Variants in PALLD observed in about 807,000 individuals in gnomAD.
The protein encoded by PALLD is palladin.
In PALLD, 61 loss-of-function variants were observed where a neutral mutation model predicts 123.5. The observed-to-expected ratio is 0.49, with a 90% CI of 0.40 to 0.61. PALLD has a LOEUF of 0.61. PALLD is among the 20% of genes least tolerant of loss of function. The pLI, the probability that PALLD is intolerant of heterozygous loss-of-function variation, is 0.00. For synonymous variants in PALLD, 465 were observed against 496.4 expected (o/e 0.94, Z 0.84); for missense variants, 1,273 against 1,377.0 (o/e 0.92, Z 1.20).
At chr4:168,665,954 A>T (rs753272499) in intron 2 of PALLD, among the ~76,000 whole-genome samples, 42 of 148,028 alleles carry the variant, frequency 2.8e-4, no homozygotes, top group Non-Finnish European at 1.5e-4. Context: ...ATGAATGAGC[A>T]TGGTTATGTT....
At chr4:168,767,179 A>C (rs1323727744) in intron 10 of PALLD, among the ~76,000 whole-genome samples, 1 of 152,102 alleles carries the variant, frequency 6.6e-6, no homozygotes, top group African/African-American at 2.4e-5. Flanking sequence ...TCTGCCTTTC[A>C]TCTAGACCCT....
chr4:168,642,368 A>C (rs1230665338), intron 2 of PALLD, among the ~76,000 whole-genome samples: 1 of 152,076 alleles, frequency 6.6e-6, no homozygotes, highest in African/African-American at 2.4e-5. Context: ...TTCCAAGTGC[A>C]GGAATCTTCT....
rs201392402 is a variant in PALLD at position 168,726,752 on chromosome 4, T to TAA, written c.1964+14840_1964+14841dup. Among the ~76,000 whole-genome samples, 795 of 146,832 alleles carry TAA rather than the reference T, an allele frequency of 5.4e-3. 3 individuals are homozygous for TAA. The highest frequency in any genetic ancestry group is 0.018 in the African/African-American group (737 of 40,116). On this transcript the variant is annotated intron_variant, in intron 10 of 21. Transcript: ENST00000505667. ...TCAGGCAGATGAGATGCTGTCCCTT[T>TAA]AAAAAAAAAAAATCAACTTCTATTT...
At chr4:168,577,342 G>A (rs1250634400) in intron 2 of PALLD, among the ~76,000 whole-genome samples, 1 of 152,046 alleles carries the variant, frequency 6.6e-6, no homozygotes, top group African/African-American at 2.4e-5. Context: ...GTTAGGTTAT[G>A]GTTTGCCCAC....
At chr4:168,712,337 T>C (rs994526991) in intron 10 of PALLD, 2 of 257,700 alleles carry the variant, frequency 7.8e-6, no homozygotes, top group Non-Finnish European at 1.5e-5. Flanking sequence ...AGATCTGATA[T>C]AGACAAGCGG....
At chr4:168,525,971 T>C (rs1764004833) in intron 2 of PALLD, among the ~76,000 whole-genome samples, 1 of 152,236 alleles carries the variant, frequency 6.6e-6, no homozygotes, top group Non-Finnish European at 1.5e-5. Context: ...AATTTTAAAA[T>C]TTTATACTGA....
At chr4:168,657,665 A>G (rs1427883890) in intron 2 of PALLD, among the ~76,000 whole-genome samples, 1 of 152,262 alleles carries the variant, frequency 6.6e-6, no homozygotes, top group Non-Finnish European at 1.5e-5. Context: ...GGAAGCTTGC[A>G]TGGGTGAATG....
intron 10 of PALLD, among the ~76,000 whole-genome samples, chr4:168,745,436 C>A (rs1388042960): frequency 1.1e-4 from 13 of 118,620 alleles, no homozygotes; most frequent in South Asian, 2.7e-4. Context: ...GAGGGGGGGG[C>A]AAATAATGAT....
chr4:168,550,095 A>G (rs1004302909), intron 2 of PALLD, among the ~76,000 whole-genome samples: 1 of 152,190 alleles, frequency 6.6e-6, no homozygotes, highest in African/African-American at 2.4e-5. Context: ...TGCCAGGTTC[A>G]TCTCTCTCAA....
intron 10 of PALLD, among the ~76,000 whole-genome samples, chr4:168,858,577 A>G (rs1748956154): frequency 6.6e-6 from 1 of 151,842 alleles, no homozygotes; most frequent in Non-Finnish European, 1.5e-5. Context: ...GAGCTTAGGA[A>G]TTGGAGACCA....
At chr4:168,573,001 G>T (rs1769154150) in intron 2 of PALLD, among the ~76,000 whole-genome samples, 1 of 150,702 alleles carries the variant, frequency 6.6e-6, no homozygotes, top group Admixed American at 6.6e-5. Context: ...TAATCTACAA[G>T]TAAGGCCCAG....
intron 10 of PALLD, among the ~76,000 whole-genome samples, chr4:168,849,603 C>G (rs1319946005): frequency 6.6e-6 from 1 of 152,156 alleles, no homozygotes; most frequent in African/African-American, 2.4e-5. Flanking sequence ...CCAAACCATG[C>G]TTAATATTCA....
chr4:168,585,516 C>A (rs1024440256), intron 2 of PALLD, among the ~76,000 whole-genome samples: 5 of 152,300 alleles, frequency 3.3e-5, no homozygotes, highest in African/African-American at 9.6e-5. Context: ...GGGATTGCAG[C>A]CATCCCACAG....
At chr4:168,733,679 A>C (rs1359064150) in intron 10 of PALLD, among the ~76,000 whole-genome samples, 2 of 151,952 alleles carry the variant, frequency 1.3e-5, no homozygotes, top group African/African-American at 4.8e-5. Flanking sequence ...CGATCCTCCC[A>C]CCTTAGCCTC....
chr4:168,547,450 G>A (rs918265663), intron 2 of PALLD, among the ~76,000 whole-genome samples: 1 of 151,564 alleles, frequency 6.6e-6, no homozygotes, highest in Non-Finnish European at 1.5e-5. Flanking sequence ...GCCAGGCATG[G>A]TGGCTCATGT....
intron 10 of PALLD, among the ~76,000 whole-genome samples, chr4:168,879,752 A>G (rs989752209): frequency 6.6e-6 from 1 of 152,198 alleles, no homozygotes; most frequent in Non-Finnish European, 1.5e-5. Flanking sequence ...ATGAATATAT[A>G]AAGAAACAAG....
chr4:168,739,691 A>G (rs1475785222), intron 10 of PALLD, among the ~76,000 whole-genome samples: 3 of 152,186 alleles, frequency 2.0e-5, no homozygotes, highest in Non-Finnish European at 4.4e-5. Flanking sequence ...AATATGTACA[A>G]ACACTTGCAT....
Position 168,614,832 on chromosome 4 carries a change from C to T in PALLD, c.909-53358C>T, listed in dbSNP as rs376855613. ...AAGCATGCGTTCCTCCCCAGTCCTG[C>T]ACGGTAAACCACATCAGTGTGGGAT... On this transcript the variant is annotated intron_variant, in intron 2 of 21. Coordinates refer to ENST00000505667, the MANE Select transcript of PALLD (RefSeq NM_001166108.2). Among the ~76,000 whole-genome samples the T allele has an allele frequency of 1.7e-4, 26 of 152,286 alleles. No individual in the cohort carries two copies. In the East Asian group the frequency reaches 5.0e-3, roughly 29 times the overall value.
At chr4:168,923,928 CACT>C (rs3842585) in intron 18 of PALLD, among the ~76,000 whole-genome samples, 101,947 of 149,378 alleles carry the variant, frequency 0.68, 35,969 homozygotes, top group East Asian at 0.96. Flanking sequence ...GTAACATAAT[CACT>C]AGTAGTGAAG....
Sources: allele counts gnomAD v4.1 joint callset (sites outside exome capture counted in the v4.1 genomes callset), GRCh38; gene constraint gnomAD v4.1.1; transcripts MANE v1.5; gene names NCBI Gene and HGNC (gene_info 2026-07-23, HGNC 2026-07-21).